Variants in SHB observed in about 807,000 individuals in gnomAD.
SHB encodes SH2 domain containing adaptor protein B.
A neutral mutation model predicts 52.3 loss-of-function variants in SHB; 20 were observed. The observed-to-expected ratio is 0.38, with a 90% confidence interval of 0.27 to 0.56. The LOEUF is 0.56. Ranked by LOEUF, SHB falls within the 20% of genes least tolerant of loss-of-function variation. The pLI is 0.71. For synonymous variants in SHB, 397 were observed against 316.5 expected (o/e 1.25, Z -2.70); for missense variants, 825 against 723.3 (o/e 1.14, Z -1.61).
intron 3 of SHB, among the ~76,000 whole-genome samples, chr9:37,959,007 A>C (rs878951638): frequency 6.6e-6 from 1 of 152,136 alleles, no homozygotes. Context: ...CCCCTTTCTA[A>C]AGAGCTTGGA....
intron 1 of SHB, among the ~76,000 whole-genome samples, chr9:38,060,170 T>TATC (rs1267256483): frequency 6.6e-6 from 1 of 152,012 alleles, no homozygotes. Flanking sequence ...TGTCTGACTT[T>TATC]ATTATTATTA....
At chr9:38,040,276 T>G (rs900845803) in intron 1 of SHB, among the ~76,000 whole-genome samples, 1 of 152,210 alleles carries the variant, frequency 6.6e-6, no homozygotes, top group African/African-American at 2.4e-5. Flanking sequence ...GTGTGTGACC[T>G]TGGGCAAGTC....
At chr9:37,967,638 G>C (rs533823059) in intron 3 of SHB, among the ~76,000 whole-genome samples, 6 of 152,310 alleles carry the variant, frequency 3.9e-5, no homozygotes, top group Non-Finnish European at 7.4e-5. Flanking sequence ...TTCTCAAAGT[G>C]GGGTCGCCAG....
In SHB at chr9:37,974,845, C is replaced by G; in HGVS notation, c.839-8G>C. 2 of 1,609,926 alleles carry G rather than the reference C, an allele frequency of 1.2e-6. No individual in the cohort carries two copies. Among genetic ancestry groups the G allele is most frequent in the Non-Finnish European group, 1.7e-6 (2 of 1,177,360 alleles). On this transcript the variant is annotated splice_polypyrimidine_tract_variant and splice_region_variant and intron_variant, in intron 2 of 5. Transcript: ENST00000377707. The stretch of plus-strand genomic sequence containing the variant: ...TTTCCTGCCTCTGAAATTCTGCAGG[C>G]AAAAAGGAAGGAAGCAGAGATGAAA...
intron 5 of SHB, among the ~76,000 whole-genome samples, chr9:37,945,480 T>C (rs1832481312): frequency 2.6e-5 from 4 of 152,170 alleles, no homozygotes; most frequent in Admixed American, 6.5e-5. Flanking sequence ...GGCTCAGCCA[T>C]AGGATGCCCA....
intron 2 of SHB, among the ~76,000 whole-genome samples, chr9:37,989,611 G>A (rs1409380652): frequency 6.6e-6 from 1 of 152,158 alleles, no homozygotes; most frequent in Non-Finnish European, 1.5e-5. Flanking sequence ...CCATTTAAGT[G>A]GGGAAACGGG....
At chr9:37,949,065 C>G (rs1410143383) in intron 4 of SHB, among the ~76,000 whole-genome samples, 1 of 152,154 alleles carries the variant, frequency 6.6e-6, no homozygotes, top group Non-Finnish European at 1.5e-5. Context: ...GCTCATGGAG[C>G]TGGGGGCTGG....
chr9:37,976,929 C>T (rs916994349), intron 2 of SHB, among the ~76,000 whole-genome samples: 2 of 152,124 alleles, frequency 1.3e-5, no homozygotes, highest in African/African-American at 2.4e-5. Flanking sequence ...TGATTCAGGC[C>T]GGCTCATGTG....
At position 37,966,225 on chromosome 9, in the gene SHB, G is replaced by A. The variant is rs546504618; in HGVS notation, c.1054+8397C>T. ...GACAGGCAGGGTCTCTGACCTCAGG[G>A]AACTTAAAAATCTCCACATGAAGAT... On this transcript the variant is annotated intron_variant, in intron 3 of 5. Coordinates refer to ENST00000377707, the MANE Select transcript of SHB (RefSeq NM_003028.3). Among the ~76,000 whole-genome samples, 9 of 152,314 alleles carry A rather than the reference G, an allele frequency of 5.9e-5. No homozygotes were observed. The South Asian group carries it at 1.9e-3, about 32-fold the overall frequency.
At chr9:37,929,050 G>A (rs1832282992) in intron 5 of SHB, among the ~76,000 whole-genome samples, 1 of 152,250 alleles carries the variant, frequency 6.6e-6, no homozygotes, top group Non-Finnish European at 1.5e-5. Context: ...AGAGGGGGGT[G>A]GGCCTTGGGG....
intron 1 of SHB, among the ~76,000 whole-genome samples, chr9:38,032,166 C>T (rs1025704390): frequency 6.6e-6 from 1 of 152,172 alleles, no homozygotes; most frequent in Non-Finnish European, 1.5e-5. Context: ...GAGGGGGCAC[C>T]GCCTAGAGAG....
chr9:38,025,298 C>T (rs1158777908), intron 1 of SHB, among the ~76,000 whole-genome samples: 2 of 152,146 alleles, frequency 1.3e-5, no homozygotes, highest in Admixed American at 1.3e-4. Context: ...TCCTACTTGG[C>T]TCTGCTCAGC....
chr9:37,988,504 G>A (rs909252591), intron 2 of SHB, among the ~76,000 whole-genome samples: 1 of 152,124 alleles, frequency 6.6e-6, no homozygotes, highest in Admixed American at 6.5e-5. Flanking sequence ...CTACTAGCAT[G>A]TTGGACGCTG....
At chr9:37,956,927 T>C (rs1034125326) in intron 3 of SHB, among the ~76,000 whole-genome samples, 2 of 152,232 alleles carry the variant, frequency 1.3e-5, no homozygotes, top group African/African-American at 4.8e-5. Flanking sequence ...TAGTCTGTGC[T>C]GTTATTATAA....
intron 3 of SHB, 29 bp downstream of exon 3, chr9:37,974,593 G>A: frequency 2.5e-6 from 4 of 1,585,238 alleles, no homozygotes; most frequent in Non-Finnish European, 3.4e-6. Flanking sequence ...CTCAGCAGCT[G>A]CCTCCTGAGC....
chr9:38,031,182 G>A (rs897385658), intron 1 of SHB, among the ~76,000 whole-genome samples: 7 of 152,058 alleles, frequency 4.6e-5, no homozygotes, highest in Non-Finnish European at 8.8e-5. Flanking sequence ...TTAGCTGGGC[G>A]TGGTGGTGTG....
chr9:37,953,166 G>A (rs573106273), intron 4 of SHB, among the ~76,000 whole-genome samples: 1 of 152,238 alleles, frequency 6.6e-6, no homozygotes, highest in South Asian at 2.1e-4. Context: ...GAGGACAGAG[G>A]GGGTCGTCTG....
At chr9:37,971,929 T>A (rs975866162) in intron 3 of SHB, among the ~76,000 whole-genome samples, 3 of 152,248 alleles carry the variant, frequency 2.0e-5, no homozygotes, top group Non-Finnish European at 4.4e-5. Context: ...CTTTTCACTT[T>A]CACAGATCAC....
chr9:37,935,257 C>T (rs150629484), intron 5 of SHB, among the ~76,000 whole-genome samples: 1 of 152,312 alleles, frequency 6.6e-6, no homozygotes, highest in Non-Finnish European at 1.5e-5. Context: ...CATCATTCTT[C>T]CTGCCTCTGA....
Sources: gnomAD v4.1 joint callset for allele counts (sites outside exome capture counted in the v4.1 genomes callset) on GRCh38, gnomAD v4.1.1 for gene constraint, MANE v1.5 for transcripts, NCBI Gene and HGNC (gene_info 2026-07-23, HGNC 2026-07-21) for gene names.